The following GMNC variants were observed in gnomAD, a reference collection of about 807,000 sequenced individuals.
GMNC encodes geminin coiled-coil domain containing.
GMNC carries 16 observed loss-of-function variants against 33.6 expected under a neutral mutation model. That is an observed-to-expected ratio of 0.48 (90% CI 0.32 to 0.72). GMNC has a LOEUF of 0.72. Among genes scored for constraint, GMNC ranks in the 30% least tolerant of loss-of-function variants. The probability of loss-of-function intolerance (pLI) is 0.03; values close to 1 mark genes in which losing one functional copy is unlikely to be tolerated. For synonymous variants in GMNC, 156 were observed against 147.3 expected (o/e 1.06, Z -0.43); for missense variants, 393 against 388.9 (o/e 1.01, Z -0.09).
Position 190,859,014 on chromosome 3 carries a change from A to C in GMNC, c.181T>G (p.Ser61Ala). ...ELQQAPQAQE[S>A]FSDSNFPLPD... is the part of the protein sequence containing the mutation. ...AGAGGAAAATTTGAGTCACTGAATG[A>C]TTCTGTGAAAATACAAATAGATAAC... Residue 61 changes from serine to alanine, a missense_variant and splice_region_variant, in exon 3 of 5, where the codon TCA becomes GCA. By Grantham distance (99) the Ser-to-Ala change is moderately conservative (BLOSUM62 1). Coordinates refer to ENST00000442080, the MANE Select transcript of GMNC (RefSeq NM_001146686.3). 1 of 1,533,446 alleles carries C rather than the reference A, an allele frequency of 6.5e-7. No individual in the cohort carries two copies. The highest frequency in any genetic ancestry group is 8.8e-7 in the Non-Finnish European group (1 of 1,130,842). The allele number at this position is 1,533,446 out of a possible 1,614,324, so 95.0% of individuals were successfully genotyped here. A position where few individuals can be genotyped will look rare whatever the true frequency, so the allele number is the denominator to read the frequency against.
the GMNC span, among the ~76,000 whole-genome samples, chr3:190,845,988 G>A: frequency 6.6e-6 from 1 of 152,114 alleles, no homozygotes; most frequent in African/African-American, 2.4e-5. Flanking sequence ...AGCACTTTGG[G>A]AGGTGAAGGC....
At chr3:190,847,942 A>G (rs1737576867), downstream of GMNC, among the ~76,000 whole-genome samples, 1 of 152,240 alleles carries the variant, frequency 6.6e-6, no homozygotes, top group Admixed American at 6.5e-5. Flanking sequence ...TTTTGAAACA[A>G]AACTGGTGGA....
chr3:190,847,443 CA>C, the GMNC span, among the ~76,000 whole-genome samples: 1 of 152,204 alleles, frequency 6.6e-6, no homozygotes, highest in African/African-American at 2.4e-5. Context: ...CAGCCTCTTG[CA>C]GCTCAGATCA....
At chr3:190,847,257 A>G in the GMNC span, among the ~76,000 whole-genome samples, 2 of 152,106 alleles carry the variant, frequency 1.3e-5, no homozygotes, top group Non-Finnish European at 2.9e-5. Flanking sequence ...CCAGTTCAGT[A>G]TTTGTCACTC....
downstream of GMNC, among the ~76,000 whole-genome samples, chr3:190,848,546 A>C (rs1398766111): frequency 6.6e-6 from 1 of 152,238 alleles, no homozygotes; most frequent in African/African-American, 2.4e-5. Flanking sequence ...ATAGGAAAAC[A>C]GTGGGCATTT....
chr3:190,845,508 CTTTT>C, the GMNC span, among the ~76,000 whole-genome samples: 9,902 of 125,632 alleles, frequency 0.079, 419 homozygotes, highest in African/African-American at 0.18. Flanking sequence ...ATTTTGAAAC[CTTTT>C]TTTTTTTTTT....
chr3:190,858,945 G>T lies in GMNC; in HGVS notation c.250C>A (p.Leu84Ile), dbSNP rs1306249414. The part of the protein sequence containing the change: ...SWEEAQLSSQ[L>I]YRNKQLQDTL... ...ACACATACCTGCTTATTTCTGTAGA[G>T]CTGAGAGGAAAGCTGAGCCTCTTCC... is the stretch of plus-strand genomic sequence containing the variant. The change falls in exon 3 of 5, where the codon CTC (leucine) becomes ATC (isoleucine). Residue 84 changes from leucine (L) to isoleucine (I), a missense_variant. By Grantham distance (5) the Leu-to-Ile change is conservative (BLOSUM62 2). Transcript: ENST00000442080. 6.5e-6 allele frequency: 10 copies of T among 1,548,642 alleles called. No homozygotes were observed. The highest frequency in any genetic ancestry group is 7.9e-6 in the Non-Finnish European group (9 of 1,144,464).
At chr3:190,845,650 C>G in the GMNC span, among the ~76,000 whole-genome samples, 1 of 151,420 alleles carries the variant, frequency 6.6e-6, no homozygotes, top group Non-Finnish European at 1.5e-5. Flanking sequence ...GCTGGGATTA[C>G]AGACATATGC....
Position 190,853,293 on chromosome 3 carries a change from C to T in GMNC, c.*2002G>A, listed in dbSNP as rs1422626025. The T allele has an allele frequency of 1.3e-5, 2 of 152,056 alleles. No individual in the cohort carries two copies. Among genetic ancestry groups the T allele is most frequent in the Non-Finnish European group, 2.9e-5 (2 of 67,974 alleles). The allele number at this position is 152,056 out of a possible 1,614,324, so 9.4% of individuals were successfully genotyped here. On this transcript the variant is annotated 3_prime_UTR_variant, in exon 5 of 5. Coordinates refer to ENST00000442080, the MANE Select transcript of GMNC (RefSeq NM_001146686.3). The stretch of plus-strand genomic sequence containing the variant: ...ATATTACTTTCTCAATTCCTAGTGT[C>T]ATAAAGTACAATAATTCGAATCCTT...
downstream of GMNC, among the ~76,000 whole-genome samples, chr3:190,847,965 A>G: frequency 6.6e-6 from 1 of 152,220 alleles, no homozygotes; most frequent in East Asian, 1.9e-4. Context: ...TGCATCAAGA[A>G]CAGCTGGTAA....
chr3:190,849,046 A>T (rs1440794284), downstream of GMNC, among the ~76,000 whole-genome samples: 1 of 152,182 alleles, frequency 6.6e-6, no homozygotes, highest in East Asian at 1.9e-4. Context: ...GGCTATGCTG[A>T]GTCACCAGCC....
chr3:190,853,799 G>A lies in GMNC; in HGVS notation c.*1496C>T, dbSNP rs1446640636. The A allele has an allele frequency of 6.6e-6, 1 of 152,056 alleles. No individual in the cohort carries two copies. Among genetic ancestry groups the A allele is most frequent in the African/African-American group, 2.4e-5 (1 of 41,396 alleles). The allele number at this position is 152,056 out of a possible 1,614,324, so 9.4% of individuals were successfully genotyped here. On this transcript the variant is annotated 3_prime_UTR_variant, in exon 5 of 5. Transcript: ENST00000442080. ...GGAATGATAGGGGTCTTGAGAGATGGGAAAGAAGAAAACTAGCACAAGCAC... is the reference window on the plus strand; with the variant it reads ...GGAATGATAGGGGTCTTGAGAGATGAGAAAGAAGAAAACTAGCACAAGCAC...
rs1015132177 is a variant in GMNC at position 190,855,033 on chromosome 3, G to C, written c.*262C>G. The C allele has an allele frequency of 5.7e-5, 26 of 456,404 alleles. No individual in the cohort carries two copies. Among genetic ancestry groups the C allele is most frequent in the African/African-American group, 4.7e-4 (24 of 51,264 alleles). The allele number at this position is 456,404 out of a possible 1,614,324, so 28.3% of individuals were successfully genotyped here. On this transcript the variant is annotated 3_prime_UTR_variant, in exon 5 of 5. Transcript: ENST00000442080. ...AAGTGAGTGGAAAATACCTTATCAAGTATAGGGCAAAGAGAGGATGTCAAT... is the reference window on the plus strand; with the variant it reads ...AAGTGAGTGGAAAATACCTTATCAACTATAGGGCAAAGAGAGGATGTCAAT...
downstream of GMNC, among the ~76,000 whole-genome samples, chr3:190,848,188 T>C (rs1012594718): frequency 4.6e-5 from 7 of 152,262 alleles, no homozygotes; most frequent in African/African-American, 1.7e-4. Context: ...GGATTTGATA[T>C]ACACTACTTC....
the GMNC span, among the ~76,000 whole-genome samples, chr3:190,844,303 C>CT: frequency 1.3e-5 from 2 of 151,928 alleles, no homozygotes; most frequent in African/African-American, 4.8e-5. Flanking sequence ...CCCAAATTCT[C>CT]TTTTTTTCTA....
chr3:190,856,644 T>C (rs149815587), intron 4 of GMNC, among the ~76,000 whole-genome samples: 3 of 151,324 alleles, frequency 2.0e-5, no homozygotes, highest in Non-Finnish European at 4.4e-5. Context: ...CACAGATATA[T>C]TAATGACTTG....
chr3:190,856,301 ATACT>A (rs1737737366), intron 4 of GMNC, among the ~76,000 whole-genome samples: 1 of 140,500 alleles, frequency 7.1e-6, no homozygotes, highest in Non-Finnish European at 1.5e-5. Context: ...TTTATAAATA[ATACT>A]TATATTTATT....
rs1737668700 is a variant in GMNC, at chr3:190,853,406, A to AT, written c.*1888dup. 1 of 152,116 alleles carries AT rather than the reference A, an allele frequency of 6.6e-6. No homozygotes were observed. Among genetic ancestry groups the AT allele is most frequent in the Admixed American group, 6.6e-5 (1 of 15,262 alleles). 9.4% of individuals were successfully genotyped at this position (152,116 alleles called of 1,614,324 possible). On this transcript the variant is annotated 3_prime_UTR_variant, in exon 5 of 5. Coordinates refer to ENST00000442080, the MANE Select transcript of GMNC (RefSeq NM_001146686.3). ...AAGGCACAGTTATTTATTTTATTTT[A>AT]TTTTTTAGAAAATGGAATGTGTTCT...
intron 4 of GMNC, among the ~76,000 whole-genome samples, chr3:190,857,396 G>A (rs771457858): frequency 2.0e-5 from 3 of 151,978 alleles, no homozygotes; most frequent in African/African-American, 7.3e-5. Context: ...GTTAAGTGAG[G>A]ATCTAAGTAA....
Sources: gnomAD v4.1 joint callset for allele counts (sites outside exome capture counted in the v4.1 genomes callset) on GRCh38, gnomAD v4.1.1 for gene constraint, MANE v1.5 for transcripts, NCBI Gene and HGNC (gene_info 2026-07-23, HGNC 2026-07-21) for gene names.